The following DLG2 variants were observed in gnomAD, a reference collection of about 807,000 sequenced individuals.
DLG2 encodes discs large MAGUK scaffold protein 2.
DLG2 carries 45 observed loss-of-function variants against 132.5 expected under a neutral mutation model. That is an observed-to-expected ratio of 0.34 (90% CI 0.27 to 0.44). The LOEUF is 0.44. Among genes scored for constraint, DLG2 ranks in the 20% least tolerant of loss-of-function variants. The pLI, the probability that DLG2 is intolerant of heterozygous loss-of-function variation, is 1.00. For missense variants in DLG2, 1,045 were observed against 1,196.9 expected (o/e 0.87, Z 1.87); for synonymous variants, 424 against 419.6 (o/e 1.01, Z -0.13).
At position 84,573,883 on chromosome 11, in the gene DLG2, T is replaced by C. The variant is rs374133489; in HGVS notation, c.358-39152A>G. On this transcript the variant is annotated intron_variant, in intron 6 of 27. Coordinates refer to ENST00000376104, the MANE Select transcript of DLG2 (RefSeq NM_001142699.3). ...GCAAACTCTGAGTCATGCACAAAAC[T>C]TATGAATAACTGAGAAGAACTATGA... 2.3e-4 allele frequency among the ~76,000 whole-genome samples: 35 copies of C among 152,270 alleles called. 1 individual carries two copies. The South Asian group carries it at 6.8e-3, about 30-fold the overall frequency.
chr11:83,866,369 T>C (rs544272648), intron 16 of DLG2, among the ~76,000 whole-genome samples: 2 of 152,166 alleles, frequency 1.3e-5, no homozygotes, highest in South Asian at 4.1e-4. Flanking sequence ...AGCAACTAAA[T>C]CTTGTCATGG....
chr11:85,435,319 G>A (rs1460843535), intron 3 of DLG2, among the ~76,000 whole-genome samples: 1 of 151,868 alleles, frequency 6.6e-6, no homozygotes, highest in Non-Finnish European at 1.5e-5. Flanking sequence ...CTGGCTATCA[G>A]GCAAGAGAAA....
At chr11:85,262,287 A>G (rs993850382) in intron 4 of DLG2, among the ~76,000 whole-genome samples, 1 of 152,194 alleles carries the variant, frequency 6.6e-6, no homozygotes, top group Non-Finnish European at 1.5e-5. Context: ...GAGTGGTTAA[A>G]TTAAATATTA....
At chr11:83,485,911 C>G (rs1345270231) in intron 21 of DLG2, among the ~76,000 whole-genome samples, 1 of 151,892 alleles carries the variant, frequency 6.6e-6, no homozygotes, top group Admixed American at 6.6e-5. Flanking sequence ...TAGTAGAGCT[C>G]AATTGTATGC....
At chr11:84,265,729 A>T (rs1474022777) in intron 7 of DLG2, among the ~76,000 whole-genome samples, 1 of 152,216 alleles carries the variant, frequency 6.6e-6, no homozygotes, top group Non-Finnish European at 1.5e-5. Flanking sequence ...TCTTAGCAGC[A>T]GCAGCAGCAA....
intron 4 of DLG2, among the ~76,000 whole-genome samples, chr11:85,206,391 G>A (rs1330845205): frequency 6.6e-6 from 1 of 152,124 alleles, no homozygotes; most frequent in African/African-American, 2.4e-5. Context: ...GACCTGGGTT[G>A]GAATTCTAGC....
chr11:85,175,689 G>A (rs181165789), intron 4 of DLG2, among the ~76,000 whole-genome samples: 112 of 152,242 alleles, frequency 7.4e-4, no homozygotes, highest in African/African-American at 2.7e-3. Context: ...CTTTGCAGAT[G>A]ACATAATTCT....
At chr11:85,243,164 C>T (rs1050661046) in intron 4 of DLG2, among the ~76,000 whole-genome samples, 3 of 152,020 alleles carry the variant, frequency 2.0e-5, no homozygotes, top group Non-Finnish European at 4.4e-5. Context: ...TGTATACCCA[C>T]AGGTTACTTA....
intron 6 of DLG2, chr11:84,720,261 C>A (rs1463411194): frequency 1.3e-5 from 13 of 984,798 alleles, no homozygotes; most frequent in African/African-American, 3.5e-5. Flanking sequence ...CCGAGGGAGG[C>A]AACATGCATT....
At chr11:83,587,593 TAGAG>T (rs745872677) in intron 19 of DLG2, among the ~76,000 whole-genome samples, 1 of 152,198 alleles carries the variant, frequency 6.6e-6, no homozygotes. Context: ...AATTTATATA[TAGAG>T]AGAGTTTCTC....
In DLG2 at chr11:83,930,316, C is replaced by T. The variant is rs200154056; in HGVS notation, c.1496+12G>A. ...AGTTCGAGAAGATGAAGTGAGGAAG[C>T]GCATGCAGTACCTGGTCATCTCAGA... On this transcript the variant is annotated intron_variant, in intron 15 of 27. Transcript: ENST00000376104. The T allele has an allele frequency of 5.6e-5, 90 of 1,612,334 alleles. No homozygotes were observed. Among genetic ancestry groups the T allele is most frequent in the East Asian group, 8.9e-5 (4 of 44,834 alleles).
chr11:84,392,346 T>G (rs1413231557), intron 7 of DLG2, among the ~76,000 whole-genome samples: 1 of 152,180 alleles, frequency 6.6e-6, no homozygotes, highest in African/African-American at 2.4e-5. Flanking sequence ...GCAAACATTC[T>G]CCATCCCTCT....
At chr11:83,623,778 T>C (rs1262278905) in intron 19 of DLG2, among the ~76,000 whole-genome samples, 1 of 152,258 alleles carries the variant, frequency 6.6e-6, no homozygotes, top group Non-Finnish European at 1.5e-5. Flanking sequence ...TCTATTTCCT[T>C]GTTCCCTTGA....
intron 5 of DLG2, among the ~76,000 whole-genome samples, chr11:85,149,247 A>C (rs187074682): frequency 6.6e-6 from 1 of 152,254 alleles, no homozygotes; most frequent in African/African-American, 2.4e-5. Context: ...TTTTGGTTCC[A>C]TATGAAATTT....
rs530969396 is a variant in DLG2 at position 83,847,551 on chromosome 11, C to T, written c.1566-13781G>A. ...TATATCCATATTATTGTAGAAAAAA[C>T]TTTAGGCTGAGGCCTGTTTTCTAGT... On this transcript the variant is annotated intron_variant, in intron 16 of 27. Transcript: ENST00000376104. Among the ~76,000 whole-genome samples the T allele has an allele frequency of 2.6e-5, 4 of 152,208 alleles. No homozygotes were observed. In the East Asian group the frequency reaches 7.7e-4, roughly 29 times the overall value.
At chr11:85,503,054 T>C (rs2093842111) in intron 3 of DLG2, among the ~76,000 whole-genome samples, 1 of 152,118 alleles carries the variant, frequency 6.6e-6, no homozygotes, top group South Asian at 2.1e-4. Context: ...TACTCCCGTA[T>C]GAAGAAGAAA....
intron 3 of DLG2, among the ~76,000 whole-genome samples, chr11:85,297,316 T>C (rs2079295119): frequency 6.6e-6 from 1 of 152,168 alleles, no homozygotes; most frequent in Non-Finnish European, 1.5e-5. Context: ...AGCTTGTAGA[T>C]GAATGGTTTT....
chr11:84,196,968 C>G (rs1048722129), intron 8 of DLG2, among the ~76,000 whole-genome samples: 5 of 136,202 alleles, frequency 3.7e-5, no homozygotes, highest in African/African-American at 1.4e-4. Flanking sequence ...ACCCAGGAGG[C>G]AGAGGTTGCA....
rs113436905 is a variant in DLG2 at position 84,934,504 on chromosome 11, G to GTTTTTTTTTTTTTTTTTTTTTTTT, written c.357+177156_357+177157insAAAAAAAAAAAAAAAAAAAAAAAA. ...TCTGTGAATCTGTATGGTCCTGGGT[G>GTTTTTTTTTTTTTTTTTTTTTTTT]TTTTTTTTTTGTTTTGTTTTGTTTT... On this transcript the variant is annotated intron_variant, in intron 6 of 27. Transcript: ENST00000376104. Among the ~76,000 whole-genome samples, 3 of 33,880 alleles carry GTTTTTTTTTTTTTTTTTTTTTTTT rather than the reference G, an allele frequency of 8.9e-5. 1 individual carries two copies. The highest frequency in any genetic ancestry group is 5.0e-5 in the Non-Finnish European group (1 of 20,078). The allele number at this position is 33,880 out of a possible 152,430, so 22.2% of individuals were successfully genotyped here.
Sources: gnomAD v4.1 joint callset for allele counts (sites outside exome capture counted in the v4.1 genomes callset) on GRCh38, gnomAD v4.1.1 for gene constraint, MANE v1.5 for transcripts, NCBI Gene and HGNC (gene_info 2026-07-23, HGNC 2026-07-21) for gene names.